The following SYN3 variants were observed in gnomAD, a reference collection of about 807,000 sequenced individuals.
SYN3 encodes synapsin III, also known as synapsin-3.
A neutral mutation model predicts 65.8 loss-of-function variants in SYN3; 35 were observed. The ratio of observed to expected loss-of-function variants is 0.53; its 90% CI spans 0.41 to 0.70. The LOEUF (loss-of-function observed/expected upper bound fraction) is 0.70. Among genes scored for constraint, SYN3 ranks in the 30% least tolerant of loss-of-function variants. The pLI, the probability that SYN3 is intolerant of heterozygous loss-of-function variation, is 0.00. For missense variants in SYN3, 680 were observed against 749.0 expected (o/e 0.91, Z 1.08); for synonymous variants, 270 against 292.9 (o/e 0.92, Z 0.80).
intron 1 of SYN3, among the ~76,000 whole-genome samples, chr22:33,051,554 A>G (rs5998710): frequency 1.4e-4 from 15 of 109,112 alleles, no homozygotes; most frequent in African/African-American, 7.0e-4. Flanking sequence ...TCCATTTCCC[A>G]TTAAACACAA....
At chr22:32,574,930 G>A (rs2058830588) in intron 7 of SYN3, among the ~76,000 whole-genome samples, 1 of 152,250 alleles carries the variant, frequency 6.6e-6, no homozygotes, top group Non-Finnish European at 1.5e-5. Context: ...CTCTATGAGA[G>A]TAGGGACTTG....
At chr22:32,586,064 A>G (rs1188449915) in intron 7 of SYN3, among the ~76,000 whole-genome samples, 2 of 137,888 alleles carry the variant, frequency 1.5e-5, no homozygotes, top group Non-Finnish European at 3.2e-5. Context: ...GTATATGTAT[A>G]TATGTATACA....
chr22:32,748,366 A>G (rs1441619598), intron 6 of SYN3, among the ~76,000 whole-genome samples: 1 of 152,220 alleles, frequency 6.6e-6, no homozygotes, highest in Non-Finnish European at 1.5e-5. Context: ...AACTTTGTAC[A>G]GACAGCAACC....
intron 6 of SYN3, among the ~76,000 whole-genome samples, chr22:32,739,174 AG>A (rs201178182): frequency 0.048 from 6,971 of 146,206 alleles, 274 homozygotes; most frequent in African/African-American, 0.11. Context: ...ATTGAATCAC[AG>A]GGGGGGGGCG....
intron 6 of SYN3, among the ~76,000 whole-genome samples, chr22:32,704,292 C>T (rs2060850403): frequency 6.6e-6 from 1 of 152,120 alleles, no homozygotes; most frequent in Non-Finnish European, 1.5e-5. Context: ...CCTTTAGCTC[C>T]CACTTATAAG....
At chr22:32,955,395 G>C (rs2051422070) in intron 3 of SYN3, among the ~76,000 whole-genome samples, 1 of 152,142 alleles carries the variant, frequency 6.6e-6, no homozygotes, top group Non-Finnish European at 1.5e-5. Flanking sequence ...TTTCTGAGGA[G>C]GTGACATTTG....
intron 12 of SYN3, chr22:32,519,301 T>C (rs1419905763): frequency 6.8e-6 from 1 of 146,086 alleles, no homozygotes; most frequent in Non-Finnish European, 1.5e-5. Flanking sequence ...TAAGAAGGAT[T>C]TTAATTCTCT....
intron 6 of SYN3, among the ~76,000 whole-genome samples, chr22:32,712,289 T>C (rs1400481807): frequency 6.6e-6 from 1 of 152,214 alleles, no homozygotes; most frequent in East Asian, 1.9e-4. Context: ...TCATGCACTC[T>C]TCCTAATATT....
intron 6 of SYN3, among the ~76,000 whole-genome samples, chr22:32,754,863 A>G (rs1254765190): frequency 3.3e-5 from 5 of 152,212 alleles, no homozygotes; most frequent in Non-Finnish European, 7.3e-5. Flanking sequence ...GTTCAGGGCC[A>G]GAGAGGCCTC....
At position 32,596,935 on chromosome 22, in the gene SYN3, G is replaced by C. The variant is rs543874983; in HGVS notation, c.712-199C>G. On this transcript the variant is annotated intron_variant, in intron 6 of 13. Transcript: ENST00000358763. ...TTTTGGCTTCCAAAGGAAGCTCTGA[G>C]CTCTTAAGACCAGCTTGTCTGGGGC... 4.3e-4 allele frequency among the ~76,000 whole-genome samples: 66 copies of C among 152,284 alleles called. No individual in the cohort carries two copies. In the South Asian group the frequency reaches 0.013, roughly 31 times the overall value.
chr22:32,777,530 A>G (rs1255042088), intron 6 of SYN3, among the ~76,000 whole-genome samples: 1 of 152,158 alleles, frequency 6.6e-6, no homozygotes, highest in East Asian at 1.9e-4. Flanking sequence ...CTATCTAAAC[A>G]TTCTATCATC....
At chr22:32,596,361 C>T (rs1250167392) in intron 7 of SYN3, among the ~76,000 whole-genome samples, 1 of 152,120 alleles carries the variant, frequency 6.6e-6, no homozygotes, top group Non-Finnish European at 1.5e-5. Flanking sequence ...TGACAGCAAC[C>T]CCTTACAAAA....
rs949908903 is a variant in SYN3 at position 32,867,387 on chromosome 22, A to T, written c.621+1579T>A. 2.0e-5 allele frequency among the ~76,000 whole-genome samples: 3 copies of T among 152,224 alleles called. No individual in the cohort carries two copies. In the East Asian group the frequency reaches 5.8e-4, roughly 29 times the overall value. ...ATTTTGGTCTGATTTGTTCACTGCT[A>T]TGTTTCTAGGACTTACAACAGCACC... On this transcript the variant is annotated intron_variant, in intron 5 of 13. Coordinates refer to ENST00000358763, the MANE Select transcript of SYN3 (RefSeq NM_003490.4).
chr22:32,710,962 C>T (rs1411547720), intron 6 of SYN3, among the ~76,000 whole-genome samples: 2 of 152,184 alleles, frequency 1.3e-5, no homozygotes, highest in African/African-American at 4.8e-5. Flanking sequence ...ATGAACATCG[C>T]CCTTTCTCTA....
intron 6 of SYN3, among the ~76,000 whole-genome samples, chr22:32,848,837 T>A (rs578001627): frequency 7.8e-4 from 119 of 152,072 alleles, no homozygotes; most frequent in Non-Finnish European, 1.5e-3. Context: ...CGACTCCCAA[T>A]TGCTCCTTCT....
intron 6 of SYN3, among the ~76,000 whole-genome samples, chr22:32,851,358 A>C (rs965959889): frequency 7.9e-5 from 12 of 152,108 alleles, no homozygotes; most frequent in African/African-American, 2.9e-4. Flanking sequence ...GGGCCTGGAG[A>C]CCAGGGTGAC....
At chr22:32,629,144 C>CTT (rs1403996212) in intron 6 of SYN3, among the ~76,000 whole-genome samples, 2 of 152,312 alleles carry the variant, frequency 1.3e-5, no homozygotes, top group African/African-American at 4.8e-5. Context: ...ATCCATCCCA[C>CTT]TCAGAAATCG....
intron 6 of SYN3, among the ~76,000 whole-genome samples, chr22:32,644,183 T>C (rs2059950743): frequency 6.8e-6 from 1 of 145,990 alleles, no homozygotes; most frequent in South Asian, 2.2e-4. Flanking sequence ...CACAAACATA[T>C]ACTGAATACC....
chr22:32,534,099 G>A (rs1321657586), intron 9 of SYN3, among the ~76,000 whole-genome samples: 1 of 152,158 alleles, frequency 6.6e-6, no homozygotes, highest in Non-Finnish European at 1.5e-5. Context: ...AGACAGAGAG[G>A]CAGGGAGAGA....
Sources: gnomAD v4.1 joint callset for allele counts (sites outside exome capture counted in the v4.1 genomes callset) on GRCh38, gnomAD v4.1.1 for gene constraint, MANE v1.5 for transcripts, NCBI Gene and HGNC (gene_info 2026-07-23, HGNC 2026-07-21) for gene names.